Variants in TBKBP1 observed in about 807,000 individuals in gnomAD.
TBKBP1 encodes the protein TBK1 binding protein 1.
A neutral mutation model predicts 69.9 loss-of-function variants in TBKBP1; 47 were observed. The observed-to-expected ratio is 0.67, with a 90% CI of 0.53 to 0.86. TBKBP1 has a LOEUF of 0.86. Among genes scored for constraint, TBKBP1 ranks in the 40% least tolerant of loss-of-function variants. The pLI is 0.00. For synonymous variants in TBKBP1, 418 were observed against 390.3 expected, an observed-to-expected ratio of 1.07 and a Z score of -0.84; for missense variants, 831 against 858.6, an observed-to-expected ratio of 0.97 and a Z score of 0.40.
chr17:47,710,804 G>A lies in TBKBP1; in HGVS notation c.*178G>A. ...CCTGGTCCAGGCACCACTCAGCTCT[G>A]GCTCTTCCTGGGAGGTCAGCCGAGG... On this transcript the variant is annotated 3_prime_UTR_variant, in exon 10 of 10. Transcript: ENST00000578982. 1 of 898,534 alleles carries A rather than the reference G, an allele frequency of 1.1e-6. No individual in the cohort carries two copies. The highest frequency in any genetic ancestry group is 2.0e-5 in the South Asian group (1 of 49,130). 55.7% of individuals were successfully genotyped at this position (898,534 alleles called of 1,614,324 possible). A position where few individuals can be genotyped will look rare whatever the true frequency, so the allele number is the denominator to read the frequency against.
rs1266273309 is a variant in TBKBP1, at chr17:47,698,576, C to T, written c.454-19C>T. 6.4e-7 allele frequency: 1 copy of T among 1,567,808 alleles called. No individual in the cohort carries two copies. Among genetic ancestry groups the T allele is most frequent in the Non-Finnish European group, 8.6e-7 (1 of 1,156,414 alleles). On this transcript the variant is annotated intron_variant, in intron 4 of 9. Coordinates refer to ENST00000578982, the MANE Select transcript of TBKBP1 (RefSeq NM_001394755.1). ...AGTCCTGGGCCTGTGCAGACCCTCC[C>T]CTCTGTCTCTCTCTCCAGAGGGCCC...
chr17:47,697,035 T>TC, intron 3 of TBKBP1, 54 bp from the exon 4 acceptor site: 1 of 1,564,048 alleles, frequency 6.4e-7, no homozygotes, highest in African/African-American at 1.4e-5. Flanking sequence ...GCTCTCCAAC[T>TC]CCAAGTCCAG....
At chr17:47,701,763 G>GT (rs2031514781) in intron 7 of TBKBP1, among the ~76,000 whole-genome samples, 1 of 152,222 alleles carries the variant, frequency 6.6e-6, no homozygotes, top group South Asian at 2.1e-4. Context: ...CTAGGAGGCC[G>GT]TATCATCCAC....
At chr17:47,697,949 CAAAAAAAAAAAAAAA>C (rs1170697190) in intron 4 of TBKBP1, among the ~76,000 whole-genome samples, 1 of 36,938 alleles carries the variant, frequency 2.7e-5, no homozygotes, top group South Asian at 8.6e-4. Context: ...ACCCTGTCTC[CAAAAAAAAAAAAAAA>C]AAAAAAAAAA....
intron 7 of TBKBP1, among the ~76,000 whole-genome samples, chr17:47,703,302 C>CGGAGG (rs2031583223): frequency 6.6e-6 from 1 of 152,098 alleles, no homozygotes; most frequent in Admixed American, 6.5e-5. Flanking sequence ...AAACTCTGCA[C>CGGAGG]GGAGGTCAAG....
Position 47,708,923 on chromosome 17 carries a change from AG to A in TBKBP1, c.1191del (p.Gln397HisfsTer56). 7.6e-7 allele frequency: 1 copy of A among 1,308,114 alleles called. No homozygotes were observed. Among genetic ancestry groups the A allele is most frequent in the Non-Finnish European group, 9.7e-7 (1 of 1,025,784 alleles). The allele number at this position is 1,308,114 out of a possible 1,614,324, so 81.0% of individuals were successfully genotyped here. Reference protein sequence around the residue: ...ASPSCPSPVPQRRSPVPPSCQ... With the variant: ...ASPSCPSPVPXRRSPVPPSCQ... Reference sequence around the variant, plus strand: ...CCCTCCTGCCCGTCGCCCGTCCCGCAGCGCCGCTCGCCGGTGCCGCCGTCGT... The same window carrying A: ...CCCTCCTGCCCGTCGCCCGTCCCGCACGCCGCTCGCCGGTGCCGCCGTCGT... On this transcript the variant is annotated frameshift_variant, in exon 9 of 10. Transcript: ENST00000578982. LOFTEE classifies it high-confidence loss of function. The surrounding 1 kb of genome is among the most constrained non-coding windows in gnomAD (Gnocchi z 4.4).
rs995371551 is a variant in TBKBP1 at position 47,696,205 on chromosome 17, G to A, written c.93G>A (p.Ser31=). The A allele has an allele frequency of 1.9e-6, 3 of 1,613,520 alleles. No individual in the cohort carries two copies. The highest frequency in any genetic ancestry group is 1.7e-5 in the Admixed American group (1 of 60,002). ...EVWLDSPGDP[S]LGGDMCSASH... is the part of the protein sequence containing the mutation. ...GGCTGGACAGTCCCGGAGACCCCTC[G>A]CTTGGGGGCGACATGTGCTCCGCCT... The change falls in exon 2 of 10, where the codon TCG becomes TCA. Residue 31 remains serine (S), a synonymous_variant. Transcript: ENST00000578982.
intron 1 of TBKBP1, chr17:47,694,731 G>A (rs1194372156): frequency 6.6e-6 from 1 of 152,076 alleles, no homozygotes; most frequent in Non-Finnish European, 1.5e-5. Context: ...GTCTGGGGGG[G>A]TGTGGTAAGC....
At chr17:47,699,825 T>G (rs2031419510) in intron 7 of TBKBP1, 128 bp downstream of exon 7, 2 of 204,236 alleles carry the variant, frequency 9.8e-6, no homozygotes, top group African/African-American at 2.6e-5. Context: ...GGTGGGGTTC[T>G]TTTTTTTTTT....
chr17:47,694,228 G>A (rs1253713976), intron 1 of TBKBP1, 34 bp downstream of exon 1: 1 of 151,374 alleles, frequency 6.6e-6, no homozygotes, highest in African/African-American at 2.4e-5. Flanking sequence ...GCTGGGGGAG[G>A]GGAGCGGCGC....
At chr17:47,696,860 C>G (rs756602521) in intron 3 of TBKBP1, 27 bp downstream of exon 3, 1 of 1,611,122 alleles carries the variant, frequency 6.2e-7, no homozygotes, top group East Asian at 2.2e-5. Flanking sequence ...GGGCGCACCC[C>G]CTGAGCATCT....
chr17:47,710,196 T>G (rs1248854946), intron 9 of TBKBP1, among the ~76,000 whole-genome samples: 3 of 152,220 alleles, frequency 2.0e-5, no homozygotes, highest in Non-Finnish European at 4.4e-5. Flanking sequence ...TGCTTTGAGT[T>G]ATCCGGGAGC....
Position 47,708,249 on chromosome 17 carries a change from G to C in TBKBP1, c.873-145G>C. 1 of 772,594 alleles carries C rather than the reference G, an allele frequency of 1.3e-6. No homozygotes were observed. Among genetic ancestry groups the C allele is most frequent in the South Asian group, 1.8e-5 (1 of 56,684 alleles). 47.9% of individuals were successfully genotyped at this position (772,594 alleles called of 1,614,324 possible). A position where few individuals can be genotyped will look rare whatever the true frequency, so the allele number is the denominator to read the frequency against. On this transcript the variant is annotated intron_variant, in intron 7 of 9. Transcript: ENST00000578982. This position sits in a 1 kb window ranked among gnomAD's most constrained non-coding sequence, Gnocchi z 4.4. ...TGAGCTGGACCTTAAAGGTAGGGAGGATTTCTGCAATTGGGGTAGGAGGGC... is the reference window on the plus strand; with the variant it reads ...TGAGCTGGACCTTAAAGGTAGGGAGCATTTCTGCAATTGGGGTAGGAGGGC...
At chr17:47,701,059 C>T (rs1024206162) in intron 7 of TBKBP1, among the ~76,000 whole-genome samples, 3 of 152,192 alleles carry the variant, frequency 2.0e-5, no homozygotes, top group African/African-American at 7.2e-5. Flanking sequence ...AACCCTCCAC[C>T]GCATAGCATA....
rs779909073 is a variant in TBKBP1 at position 47,709,362 on chromosome 17, C to T, written c.1629C>T (p.Ala543=). 2.0e-6 allele frequency: 3 copies of T among 1,528,444 alleles called. No homozygotes were observed. Among genetic ancestry groups the T allele is most frequent in the African/African-American group, 1.4e-5 (1 of 71,598 alleles). The allele number at this position is 1,528,444 out of a possible 1,614,324, so 94.7% of individuals were successfully genotyped here. A position where few individuals can be genotyped will look rare whatever the true frequency, so the allele number is the denominator to read the frequency against. The part of the protein sequence containing the change: ...PSPEVGTIRC[A]SFCAGFPIPE... The stretch of plus-strand genomic sequence containing the variant: ...CGGAGGTGGGCACCATCCGCTGCGC[C>T]TCCTTCTGCGCGGGCTTCCCCATCC... Residue 543 remains alanine, a synonymous_variant, in exon 9 of 10, where the codon GCC becomes GCT. Transcript: ENST00000578982.
At position 47,703,740 on chromosome 17, in the gene TBKBP1, AT is replaced by A. The variant is rs113198338; in HGVS notation, c.872+4058del. Among the ~76,000 whole-genome samples the A allele has an allele frequency of 7.1e-3, 1,024 of 144,702 alleles. 2 individuals carry two copies. Among genetic ancestry groups the A allele is most frequent in the African/African-American group, 8.1e-3 (322 of 39,550 alleles). 94.9% of individuals were successfully genotyped at this position (144,702 alleles called of 152,430 possible). On this transcript the variant is annotated intron_variant, in intron 7 of 9. Transcript: ENST00000578982. Reference sequence around the variant, plus strand: ...CCTATCTGCTAGGCACTCCCCTGAAATTTTTTTTTTTTTTTGTCCATGCCAG... The same window carrying A: ...CCTATCTGCTAGGCACTCCCCTGAAATTTTTTTTTTTTTTGTCCATGCCAG...
rs1278467985 is a variant in TBKBP1 at position 47,709,084 on chromosome 17, C to T, written c.1351C>T (p.His451Tyr). Residue 451 changes from histidine to tyrosine, a missense_variant, in exon 9 of 10, where the codon CAC (histidine) becomes TAC (tyrosine). By Grantham distance (83) the His-to-Tyr change is moderately conservative (BLOSUM62 2). Coordinates refer to ENST00000578982, the MANE Select transcript of TBKBP1 (RefSeq NM_001394755.1). ...ERAYAKPPSH[H>Y]VKAGFQGRRS... ...CGCCTACGCCAAGCCGCCCAGCCACCACGTGAAGGCCGGCTTCCAGGGCCG... is the reference window on the plus strand; with the variant it reads ...CGCCTACGCCAAGCCGCCCAGCCACTACGTGAAGGCCGGCTTCCAGGGCCG... 7.4e-7 allele frequency: 1 copy of T among 1,358,768 alleles called. No individual in the cohort carries two copies. The highest frequency in any genetic ancestry group is 9.4e-7 in the Non-Finnish European group (1 of 1,060,576). 84.2% of individuals were successfully genotyped at this position (1,358,768 alleles called of 1,614,324 possible). A position where few individuals can be genotyped will look rare whatever the true frequency, so the allele number is the denominator to read the frequency against.
At chr17:47,697,636 C>T (rs1288873586) in intron 4 of TBKBP1, among the ~76,000 whole-genome samples, 1 of 152,028 alleles carries the variant, frequency 6.6e-6, no homozygotes, top group Non-Finnish European at 1.5e-5. Context: ...GGGTGTGCTT[C>T]CGAGTCAGGG....
chr17:47,696,035 C>A (rs1015431438), intron 1 of TBKBP1, 44 bp from the exon 2 acceptor site: 15 of 1,195,496 alleles, frequency 1.3e-5, no homozygotes, highest in Non-Finnish European at 1.7e-5. Flanking sequence ...CAGGGACAAA[C>A]CCTAGACAGA....
Sources: gnomAD v4.1 joint callset for allele counts (sites outside exome capture counted in the v4.1 genomes callset) on GRCh38, gnomAD v4.1.1 for gene constraint, Gnocchi (gnomAD v3.1) non-coding constraint, MANE v1.5 for transcripts, NCBI Gene and HGNC (gene_info 2026-07-23, HGNC 2026-07-21) for gene names.